UHRF1: variants seen among roughly 807,000 people sequenced by gnomAD.
UHRF1 encodes ubiquitin like with PHD and ring finger domains 1, also known as E3 ubiquitin-protein ligase UHRF1.
Under a neutral mutation model 96.5 loss-of-function variants are expected in UHRF1, and 9 were observed. The ratio of observed to expected loss-of-function variants is 0.09; its 90% confidence interval spans 0.06 to 0.16. The LOEUF (loss-of-function observed/expected upper bound fraction) is 0.16, where lower values mean the gene tolerates loss of function less well. Ranked by LOEUF, UHRF1 falls within the 10% of genes least tolerant of loss-of-function variation. UHRF1 has a pLI of 1.00. For missense variants in UHRF1, 626 were observed against 1,131.1 expected, an observed-to-expected ratio of 0.55 and a Z score of 6.40; for synonymous variants, 455 against 469.9, an observed-to-expected ratio of 0.97 and a Z score of 0.41.
At chr19:4,907,276 A>AT (rs59086062), upstream of UHRF1, among the ~76,000 whole-genome samples, 167 of 148,256 alleles carry the variant, frequency 1.1e-3, no homozygotes, top group African/African-American at 3.5e-3. Flanking sequence ...TGCCCAGCTA[A>AT]TTTTTTTTTT....
In UHRF1 at chr19:4,950,780, G is replaced by A. The variant is rs909706442; in HGVS notation, c.1680+7G>A. The stretch of plus-strand genomic sequence containing the variant: ...CTACGATGGCATCTACAAGGTGAGT[G>A]CCCCTTGAGGAGGCCGGGGGCTCTG... On this transcript the variant is annotated splice_region_variant and intron_variant, in intron 12 of 16. Coordinates refer to ENST00000650932, the MANE Select transcript of UHRF1 (RefSeq NM_001048201.3). 7 of 1,613,184 alleles carry A rather than the reference G, an allele frequency of 4.3e-6. No homozygotes were observed. Among genetic ancestry groups the A allele is most frequent in the Non-Finnish European group, 5.9e-6 (7 of 1,179,644 alleles).
Position 4,932,987 on chromosome 19 carries a change from C to T in UHRF1, c.785+31C>T, listed in dbSNP as rs777012864. 41 of 1,564,288 alleles carry T rather than the reference C, an allele frequency of 2.6e-5. No individual in the cohort carries two copies. In the Middle Eastern group the frequency reaches 5.2e-4, roughly 20 times the overall value. ...CCTCGCGTCCTGGGGCGAGCCCTTC[C>T]TCTCTCCTTTCCTCCCCTCCCGGGG... On this transcript the variant is annotated intron_variant, in intron 5 of 16. Coordinates refer to ENST00000650932, the MANE Select transcript of UHRF1 (RefSeq NM_001048201.3).
intron 1 of UHRF1, among the ~76,000 whole-genome samples, chr19:4,904,096 C>T (rs1210175487): frequency 6.6e-6 from 1 of 152,172 alleles, no homozygotes; most frequent in African/African-American, 2.4e-5. Flanking sequence ...CCTGCCTCAG[C>T]CTCCCAAGTA....
At position 4,954,389 on chromosome 19, in the gene UHRF1, C is replaced by A. The variant is rs2033795942; in HGVS notation, c.1858C>A (p.Arg620=). 1 of 1,613,256 alleles carries A rather than the reference C, an allele frequency of 6.2e-7. No homozygotes were observed. The highest frequency in any genetic ancestry group is 1.3e-5 in the African/African-American group (1 of 74,836). The stretch of plus-strand genomic sequence containing the variant: ...CCTGGAAGCCCTGGCCAACCGAGAG[C>A]GAGAGAAGGAGAACAGCAAGAGGGA... ...GYLEALANRE[R]EKENSKREEE... Residue 620 remains arginine (R), a synonymous_variant, in exon 14 of 17, where the codon CGA becomes AGA. Coordinates refer to ENST00000650932, the MANE Select transcript of UHRF1 (RefSeq NM_001048201.3). The surrounding 1 kb of genome is among the most constrained non-coding windows in gnomAD (Gnocchi z 5.9).
At position 4,961,781 on chromosome 19, in the gene UHRF1, A is replaced by T. The variant is rs1236041247; in HGVS notation, c.*978A>T. On this transcript the variant is annotated 3_prime_UTR_variant, in exon 17 of 17. Transcript: ENST00000650932. ...AGAACTTACAAGAGGGTTTTTTTAA[A>T]ATTTTTTTTTCTCTTAATGAACACA... is the stretch of plus-strand genomic sequence containing the variant. 3.0e-5 allele frequency: 3 copies of T among 99,798 alleles called. No homozygotes were observed. The highest frequency in any genetic ancestry group is 5.6e-4 in the East Asian group (2 of 3,556). The allele number at this position is 99,798 out of a possible 1,614,324, so 6.2% of individuals were successfully genotyped here.
In UHRF1 at chr19:4,960,679, G is replaced by A. The variant is rs1367627700; in HGVS notation, c.2258G>A (p.Arg753Gln). ...VCKDCLDRSF[R>Q]AQVFSCPACR... is the part of the protein sequence containing the mutation. ...CAGGACTGCCTGGACAGATCCTTTC[G>A]GGCACAGGTGTTCAGCTGCCCTGCC... is the stretch of plus-strand genomic sequence containing the variant. The change falls in exon 17 of 17, where the codon CGG becomes CAG. Residue 753 changes from arginine (R) to glutamine (Q), a missense_variant. Transcript: ENST00000650932. The A allele has an allele frequency of 5.6e-6, 9 of 1,610,268 alleles. No homozygotes were observed. Among genetic ancestry groups the A allele is most frequent in the Non-Finnish European group, 7.6e-6 (9 of 1,178,542 alleles).
Position 4,954,585 on chromosome 19 carries a change from C to T in UHRF1, c.1958-65C>T, listed in dbSNP as rs1192264914. The T allele has an allele frequency of 4.1e-5, 66 of 1,591,194 alleles. No homozygotes were observed. Among genetic ancestry groups the T allele is most frequent in the South Asian group, 2.8e-4 (25 of 87,792 alleles). The stretch of plus-strand genomic sequence containing the variant: ...GTTGAGGTCGTGTGGACGTGGGAGC[C>T]GGTGGCTGTCTCTCCGGCAGCTCGG... On this transcript the variant is annotated intron_variant, in intron 14 of 16. Coordinates refer to ENST00000650932, the MANE Select transcript of UHRF1 (RefSeq NM_001048201.3). This position sits in a 1 kb window ranked among gnomAD's most constrained non-coding sequence, Gnocchi z 5.9.
chr19:4,916,136 C>T (rs755298378), intron 2 of UHRF1, among the ~76,000 whole-genome samples: 1 of 151,910 alleles, frequency 6.6e-6, no homozygotes, highest in Non-Finnish European at 1.5e-5. Context: ...AGCAAGACCC[C>T]GTCTCTACAA....
chr19:4,958,848 G>A (rs1318053202), intron 16 of UHRF1, among the ~76,000 whole-genome samples: 1 of 151,772 alleles, frequency 6.6e-6, no homozygotes, highest in African/African-American at 2.4e-5. Flanking sequence ...GGTGACAGGT[G>A]CTACTCAGGA....
chr19:4,953,523 G>C (rs1383359067), intron 13 of UHRF1, among the ~76,000 whole-genome samples: 2 of 152,050 alleles, frequency 1.3e-5, no homozygotes, highest in Non-Finnish European at 2.9e-5. Context: ...GAGTGTAGTG[G>C]TGTGATCATA....
chr19:4,917,081 G>T (rs1393781681), intron 2 of UHRF1, among the ~76,000 whole-genome samples: 5 of 151,252 alleles, frequency 3.3e-5, no homozygotes, highest in African/African-American at 7.3e-5. Context: ...GGGGGGGGGG[G>T]GTGCAGTGAG....
intron 4 of UHRF1, among the ~76,000 whole-genome samples, chr19:4,931,431 C>G (rs182000584): frequency 1.3e-3 from 191 of 151,974 alleles, no homozygotes; most frequent in Non-Finnish European, 2.2e-3. Flanking sequence ...TGCCCGCCAC[C>G]ACACCCAGCT....
At chr19:4,924,658 C>T (rs556001776) in intron 2 of UHRF1, among the ~76,000 whole-genome samples, 4 of 152,126 alleles carry the variant, frequency 2.6e-5, no homozygotes, top group South Asian at 2.1e-4. Flanking sequence ...GCAGAAGGTA[C>T]GGAGTTCCTA....
In UHRF1 at chr19:4,929,239, C is replaced by T. The variant is rs764676069; in HGVS notation, c.171C>T (p.Thr57=). ...YRGKQMEDGH[T]LFDYEVRLND... is the part of the protein sequence containing the mutation. ...CCCTGCAGATGGAGGACGGCCATAC[C>T]CTCTTCGACTACGAGGTCCGCCTGA... Residue 57 remains threonine, a synonymous_variant, in exon 3 of 17, where the codon ACC becomes ACT. Transcript: ENST00000650932. The T allele has an allele frequency of 2.4e-5, 39 of 1,613,606 alleles. No homozygotes were observed. The highest frequency in any genetic ancestry group is 1.9e-5 in the Non-Finnish European group (22 of 1,179,752).
At chr19:4,943,562 T>C (rs962052934) in intron 7 of UHRF1, among the ~76,000 whole-genome samples, 2 of 146,088 alleles carry the variant, frequency 1.4e-5, no homozygotes, top group Non-Finnish European at 3.0e-5. Context: ...ACTCATGGAA[T>C]CTGCACGTGT....
intron 10 of UHRF1, among the ~76,000 whole-genome samples, chr19:4,946,440 C>T (rs1355944610): frequency 6.6e-6 from 1 of 152,026 alleles, no homozygotes; most frequent in Admixed American, 6.6e-5. Flanking sequence ...CACTGGGGTT[C>T]CTTCCCCTTT....
intron 16 of UHRF1, among the ~76,000 whole-genome samples, chr19:4,959,482 C>T (rs942918854): frequency 6.6e-6 from 1 of 152,190 alleles, no homozygotes; most frequent in Non-Finnish European, 1.5e-5. Flanking sequence ...ATCTGTGCAC[C>T]TGTGTACGGC....
chr19:4,947,019 C>T, intron 10 of UHRF1, 86 bp from the exon 11 acceptor site: 9 of 1,005,482 alleles, frequency 9.0e-6, no homozygotes, highest in Non-Finnish European at 1.4e-5. Context: ...TGAAAGTAGC[C>T]ATCCTGGGGA....
At chr19:4,912,709 C>T (rs759835400) in intron 2 of UHRF1, among the ~76,000 whole-genome samples, 26 of 152,074 alleles carry the variant, frequency 1.7e-4, no homozygotes, top group Non-Finnish European at 2.9e-4. Flanking sequence ...TGCAGCACAC[C>T]GTCAGTACCT....
Sources: gnomAD v4.1 joint callset for allele counts (sites outside exome capture counted in the v4.1 genomes callset) on GRCh38, gnomAD v4.1.1 for gene constraint, Gnocchi (gnomAD v3.1) non-coding constraint, MANE v1.5 for transcripts, NCBI Gene and HGNC (gene_info 2026-07-23, HGNC 2026-07-21) for gene names.